The following ZNF43 variants were observed in gnomAD, a reference collection of about 807,000 sequenced individuals.
The protein encoded by ZNF43 is zinc finger protein 39-like 1 (KOX 27).
A neutral mutation model predicts 68.4 loss-of-function variants in ZNF43; 44 were observed. The observed-to-expected ratio is 0.64, with a 90% CI of 0.51 to 0.83. The LOEUF (loss-of-function observed/expected upper bound fraction) is 0.83. Ranked by LOEUF, ZNF43 falls within the 40% of genes least tolerant of loss-of-function variation. The probability of loss-of-function intolerance (pLI) is 0.00; values close to 1 mark genes in which losing one functional copy is unlikely to be tolerated. For synonymous variants in ZNF43, 308 were observed against 307.8 expected (o/e 1.00, Z -0.01); for missense variants, 896 against 933.2 (o/e 0.96, Z 0.52).
upstream of ZNF43, chr19:21,839,717 C>G (rs1967382737): frequency 6.6e-6 from 1 of 152,140 alleles, no homozygotes; most frequent in Non-Finnish European, 1.5e-5. Context: ...AGGGAAAAGC[C>G]AAGTAAGAAA....
intron 3 of ZNF43, among the ~76,000 whole-genome samples, 157 bp downstream of exon 3, chr19:21,817,731 A>T (rs2037597779): frequency 6.6e-6 from 1 of 152,212 alleles, no homozygotes; most frequent in Non-Finnish European, 1.5e-5. Flanking sequence ...AAGACAGAAG[A>T]TACCCTTGTG....
chr19:21,809,221 G>A lies in ZNF43; in HGVS notation c.816C>T (p.Ile272=), dbSNP rs764985310. The stretch of plus-strand genomic sequence containing the variant: ...TGCGAATTATCTTATGGGTAGTAAG[G>A]ATTGAGGACTTGTTAAAAGCTTTGC... ...ECGKAFNKSS[I]LTTHKIIRTG... The change falls in exon 4 of 4, where the codon ATC becomes ATT. Residue 272 remains isoleucine, a synonymous_variant. Coordinates refer to ENST00000354959, the MANE Select transcript of ZNF43 (RefSeq NM_003423.4). 6.2e-7 allele frequency: 1 copy of A among 1,613,108 alleles called. No homozygotes were observed. The highest frequency in any genetic ancestry group is 1.3e-5 in the African/African-American group (1 of 74,722).
intron 1 of ZNF43, among the ~76,000 whole-genome samples, chr19:21,850,138 G>A (rs767572387): frequency 3.3e-5 from 5 of 151,596 alleles, no homozygotes; most frequent in Non-Finnish European, 5.9e-5. Context: ...CCAGGCCCAG[G>A]CAGGAGAGAC....
intron 1 of ZNF43, among the ~76,000 whole-genome samples, chr19:21,849,341 AGCCAGGCGTAGTG>A (rs1968173996): frequency 6.6e-6 from 1 of 151,956 alleles, no homozygotes; most frequent in South Asian, 2.1e-4. Context: ...ATACAAAATT[AGCCAGGCGTAGTG>A]GCACATGCCT....
chr19:21,852,009 A>C, exon 1 of ZNF43: 1 of 1,486,026 alleles, frequency 6.7e-7, no homozygotes, highest in Non-Finnish European at 9.0e-7. Flanking sequence ...GGGATTCCCG[A>C]GTTGGAGAAC....
At chr19:21,817,366 G>T (rs141879334) in intron 3 of ZNF43, among the ~76,000 whole-genome samples, 1,754 of 152,036 alleles carry the variant, frequency 0.012, 19 homozygotes, top group Middle Eastern at 0.041. Flanking sequence ...TTTGAACAAA[G>T]CAATCTTGAG....
At chr19:21,851,859 C>CA (rs1968397329) in intron 1 of ZNF43, 1 of 1,543,650 alleles carries the variant, frequency 6.5e-7, no homozygotes, top group African/African-American at 1.4e-5. Context: ...CCGCCACTTT[C>CA]ACAGCCTGCT....
Position 21,809,308 on chromosome 19 carries a change from TG to T in ZNF43, c.728del (p.Ser243TyrfsTer36). On this transcript the variant is annotated frameshift_variant, in exon 4 of 4. Coordinates refer to ENST00000354959, the MANE Select transcript of ZNF43 (RefSeq NM_003423.4). LOFTEE classifies it high-confidence loss of function. ...AATTTTTTTTATGTGTAGTAAGGCGTGAGGACCAATTAAAGACTTTGCCACA... is the reference window on the plus strand; with the variant it reads ...AATTTTTTTTATGTGTAGTAAGGCGTAGGACCAATTAAAGACTTTGCCACA... Reference protein sequence around the residue: ...EECGKVFNWSSRLTTHKKNYT... With the variant: ...EECGKVFNWSXRLTTHKKNYT... The T allele has an allele frequency of 6.2e-7, 1 of 1,613,744 alleles. No individual in the cohort carries two copies. Among genetic ancestry groups the T allele is most frequent in the Non-Finnish European group, 8.5e-7 (1 of 1,179,874 alleles).
At chr19:21,824,199 G>T (rs1568366622) in intron 1 of ZNF43, among the ~76,000 whole-genome samples, 2 of 152,012 alleles carry the variant, frequency 1.3e-5, no homozygotes, top group Non-Finnish European at 2.9e-5. Flanking sequence ...AAAGAAAATA[G>T]AACTGCCCTG....
chr19:21,834,200 T>C lies in ZNF43; in HGVS notation c.3+1836A>G, dbSNP rs563278578. Among the ~76,000 whole-genome samples the C allele has an allele frequency of 2.8e-4, 42 of 151,592 alleles. 1 individual carries two copies. In the South Asian group the frequency reaches 8.3e-3, roughly 30 times the overall value. Reference sequence around the variant, plus strand: ...CAAAAATACAAAAATTAGCTGGGAATGGTGGTAGGTGCCGGTAGTTCCAGC... The same window carrying C: ...CAAAAATACAAAAATTAGCTGGGAACGGTGGTAGGTGCCGGTAGTTCCAGC... On this transcript the variant is annotated intron_variant, in intron 1 of 3. Coordinates refer to ENST00000354959, the MANE Select transcript of ZNF43 (RefSeq NM_003423.4).
chr19:21,848,292 C>T (rs139169251), intron 1 of ZNF43, among the ~76,000 whole-genome samples: 48 of 152,048 alleles, frequency 3.2e-4, no homozygotes, highest in Admixed American at 9.8e-4. Context: ...TACAGGCATG[C>T]GCCACCACAC....
At chr19:21,836,814 A>C (rs564653206), upstream of ZNF43, among the ~76,000 whole-genome samples, 2 of 152,172 alleles carry the variant, frequency 1.3e-5, no homozygotes, top group South Asian at 4.1e-4. Flanking sequence ...ATGGTCTCAA[A>C]CTCTTGGGCT....
rs757709560 is a variant in ZNF43, at chr19:21,809,546, T to C, written c.491A>G (p.His164Arg). 1.7e-5 allele frequency: 27 copies of C among 1,612,276 alleles called. 2 individuals carry two copies. The South Asian group carries it at 2.6e-4, about 16-fold the overall frequency. Reference sequence around the variant, plus strand: ...TTTTTTTTCAGTATGGCTTATCTTATGTCTGTTTGAATTTGAAAATTTATG... The same window carrying C: ...TTTTTTTTCAGTATGGCTTATCTTACGTCTGTTTGAATTTGAAAATTTATG... ...AFHKFSNSNR[H>R]KISHTEKKLF... is the part of the protein sequence containing the mutation. The change falls in exon 4 of 4, where the codon CAT becomes CGT. Residue 164 changes from histidine to arginine, a missense_variant. Physicochemically the swap from His to Arg is conservative, Grantham distance 29. Coordinates refer to ENST00000354959, the MANE Select transcript of ZNF43 (RefSeq NM_003423.4).
intron 3 of ZNF43, among the ~76,000 whole-genome samples, chr19:21,815,620 C>T (rs1054914175): frequency 6.6e-6 from 1 of 151,470 alleles, no homozygotes; most frequent in African/African-American, 2.4e-5. Context: ...TTCTCTTTTA[C>T]CTACAGCAAA....
At chr19:21,835,453 G>C (rs1184083834) in intron 1 of ZNF43, among the ~76,000 whole-genome samples, 1 of 148,554 alleles carries the variant, frequency 6.7e-6, no homozygotes, top group Admixed American at 6.7e-5. Context: ...CGCCTCCTGG[G>C]TTCAAGCGAT....
intron 1 of ZNF43, among the ~76,000 whole-genome samples, chr19:21,849,755 G>A (rs1453715128): frequency 7.3e-5 from 11 of 151,384 alleles, no homozygotes; most frequent in Admixed American, 1.3e-4. Context: ...AAAAAAAAAA[G>A]TAATTCTCTA....
At chr19:21,819,046 A>G in intron 2 of ZNF43, 49 bp downstream of exon 2, 1 of 1,567,906 alleles carries the variant, frequency 6.4e-7, no homozygotes, top group Non-Finnish European at 8.6e-7. Context: ...GAAAACAAAA[A>G]TGAAATCTTT....
intron 3 of ZNF43, among the ~76,000 whole-genome samples, chr19:21,810,275 T>G (rs753257623): frequency 3.2e-4 from 49 of 152,162 alleles, no homozygotes; most frequent in Non-Finnish European, 6.3e-4. Context: ...AAGCTTACTG[T>G]TATGGTAGAA....
In ZNF43 at chr19:21,805,689, C is replaced by G. The variant is rs1042879952; in HGVS notation, c.*1918G>C. On this transcript the variant is annotated 3_prime_UTR_variant, in exon 4 of 4. Transcript: ENST00000354959. ...ATAAAATAAGGTAATTAAAATCATACTATGTACCCACAGAAATTAAGAACA... is the reference window on the plus strand; with the variant it reads ...ATAAAATAAGGTAATTAAAATCATAGTATGTACCCACAGAAATTAAGAACA... 1 of 151,200 alleles carries G rather than the reference C, an allele frequency of 6.6e-6. No individual in the cohort carries two copies. The highest frequency in any genetic ancestry group is 2.4e-5 in the African/African-American group (1 of 41,286). 9.4% of individuals were successfully genotyped at this position (151,200 alleles called of 1,614,324 possible).
Sources: gnomAD v4.1 joint callset for allele counts (sites outside exome capture counted in the v4.1 genomes callset) on GRCh38, gnomAD v4.1.1 for gene constraint, MANE v1.5 for transcripts, NCBI Gene and HGNC (gene_info 2026-07-23, HGNC 2026-07-21) for gene names.